SFRP4: variants seen among roughly 807,000 people sequenced by gnomAD.
SFRP4 encodes the protein secreted frizzled-related protein 4.
A neutral mutation model predicts 36.3 loss-of-function variants in SFRP4; 25 were observed. The ratio of observed to expected loss-of-function variants is 0.69; its 90% CI spans 0.50 to 0.96. The LOEUF (loss-of-function observed/expected upper bound fraction) is 0.96. SFRP4 is among the 40% of genes least tolerant of loss of function. SFRP4 has a pLI of 0.00. For missense variants in SFRP4, 487 were observed against 459.6 expected (o/e 1.06, Z -0.54); for synonymous variants, 182 against 168.8 (o/e 1.08, Z -0.60).
intron 5 of SFRP4, among the ~76,000 whole-genome samples, chr7:37,908,341 T>C (rs1301582053): frequency 6.6e-6 from 1 of 152,190 alleles, no homozygotes. Flanking sequence ...TGACATTGCT[T>C]TATATTAACG....
rs1218439690 is a variant in SFRP4, at chr7:37,912,537, C to A, written c.593-220G>T. On this transcript the variant is annotated intron_variant, in intron 3 of 5. Coordinates refer to ENST00000436072, the MANE Select transcript of SFRP4 (RefSeq NM_003014.4). ...GTCTTAAATGTTCCGGGGCATACTG[C>A]AAGATAGGAAAGCAAGCTGAAAAGC... Among the ~76,000 whole-genome samples, 3 of 152,156 alleles carry A rather than the reference C, an allele frequency of 2.0e-5. No homozygotes were observed. The East Asian group carries it at 5.8e-4, about 29-fold the overall frequency.
In SFRP4 at chr7:37,916,368, G is replaced by T. The variant is rs778737132; in HGVS notation, c.170C>A (p.Ala57Asp). Residue 57 changes from alanine to aspartate, a missense_variant, in exon 1 of 6, where the codon GCC (alanine) becomes GAC (aspartate). Physicochemically the swap from Ala to Asp is moderately radical, Grantham distance 126. Coordinates refer to ENST00000436072, the MANE Select transcript of SFRP4 (RefSeq NM_003014.4). This position sits in a 1 kb window ranked among gnomAD's most constrained non-coding sequence, Gnocchi z 4.1. Reference protein sequence around the residue: ...HHSTQENAILAIEQYEELVDV... With the variant: ...HHSTQENAILDIEQYEELVDV... The stretch of plus-strand genomic sequence containing the variant: ...CACCAGCTCCTCGTACTGCTCGATG[G>T]CCAGGATGGCGTTCTCCTGCGTGCT... The T allele has an allele frequency of 2.5e-6, 4 of 1,614,222 alleles. No homozygotes were observed. The highest frequency in any genetic ancestry group is 3.4e-6 in the Non-Finnish European group (4 of 1,180,022).
intron 3 of SFRP4, 79 bp downstream of exon 3, chr7:37,914,134 A>T: frequency 1.8e-6 from 2 of 1,084,972 alleles, no homozygotes; most frequent in Non-Finnish European, 2.8e-6. Flanking sequence ...GACTAGCTTT[A>T]GTGAGAGCGA....
chr7:37,909,189 T>C (rs932522002), intron 5 of SFRP4, among the ~76,000 whole-genome samples: 1 of 152,150 alleles, frequency 6.6e-6, no homozygotes, highest in Non-Finnish European at 1.5e-5. Flanking sequence ...AGTCTTAAAT[T>C]ATTATAAATA....
chr7:37,916,555 C>T lies in SFRP4; in HGVS notation c.-18G>A, dbSNP rs370643867. Reference sequence around the variant, plus strand: ...AGGAACATGGCACTGCCCTCTCGCGCTGCGACCCCGGCAGACAGAAAGCGC... The same window carrying T: ...AGGAACATGGCACTGCCCTCTCGCGTTGCGACCCCGGCAGACAGAAAGCGC... On this transcript the variant is annotated 5_prime_UTR_variant, in exon 1 of 6. Transcript: ENST00000436072. This position sits in a 1 kb window ranked among gnomAD's most constrained non-coding sequence, Gnocchi z 4.1. 11 of 1,593,718 alleles carry T rather than the reference C, an allele frequency of 6.9e-6. No individual in the cohort carries two copies. Among genetic ancestry groups the T allele is most frequent in the Non-Finnish European group, 9.4e-6 (11 of 1,171,954 alleles).
chr7:37,911,624 C>T (rs749763153), intron 4 of SFRP4, among the ~76,000 whole-genome samples: 21 of 150,302 alleles, frequency 1.4e-4, no homozygotes, highest in Non-Finnish European at 2.2e-4. Context: ...TTGAGAATCA[C>T]ATATCCGATT....
chr7:37,911,550 A>T (rs1345214288), intron 4 of SFRP4, among the ~76,000 whole-genome samples: 2 of 152,162 alleles, frequency 1.3e-5, no homozygotes, highest in Non-Finnish European at 2.9e-5. Context: ...ATTTGTGTGT[A>T]TGTGTATGAG....
chr7:37,913,763 A>G (rs970916061), intron 3 of SFRP4, among the ~76,000 whole-genome samples: 1 of 152,210 alleles, frequency 6.6e-6, no homozygotes, highest in Non-Finnish European at 1.5e-5. Context: ...GCTAGTCACA[A>G]GTAAAAGGAT....
At chr7:37,914,564 G>A (rs1246956301) in intron 1 of SFRP4, 111 bp from the exon 2 acceptor site, 5 of 810,454 alleles carry the variant, frequency 6.2e-6, no homozygotes, top group African/African-American at 3.4e-5. Context: ...CAAAATAATA[G>A]TATTTAATGG....
In SFRP4 at chr7:37,909,671, A is replaced by T; in HGVS notation, c.801T>A (p.Leu267=). ...MCYEWRSRMM[L]LENCLVEKWR... Reference sequence around the variant, plus strand: ...ATTTTTCAACTAAGCAATTTTCAAGAAGCATCATCCTGAAAAAAAATTATC... The same window carrying T: ...ATTTTTCAACTAAGCAATTTTCAAGTAGCATCATCCTGAAAAAAAATTATC... Residue 267 remains leucine (L), a synonymous_variant, in exon 5 of 6, where the codon CTT becomes CTA. Coordinates refer to ENST00000436072, the MANE Select transcript of SFRP4 (RefSeq NM_003014.4). 1 of 1,578,498 alleles carries T rather than the reference A, an allele frequency of 6.3e-7. No homozygotes were observed. Among genetic ancestry groups the T allele is most frequent in the Non-Finnish European group, 8.6e-7 (1 of 1,158,546 alleles).
intron 4 of SFRP4, 123 bp downstream of exon 4, chr7:37,911,996 T>C: frequency 1.5e-6 from 1 of 677,782 alleles, no homozygotes; most frequent in East Asian, 2.6e-5. Flanking sequence ...AGGCATCTGT[T>C]AAACTAATTT....
chr7:37,908,200 C>T (rs191563983), intron 5 of SFRP4, among the ~76,000 whole-genome samples: 9 of 152,254 alleles, frequency 5.9e-5, no homozygotes, highest in South Asian at 2.1e-4. Context: ...CCTAGTCATC[C>T]GCTAACGTGC....
chr7:37,914,479 G>T, intron 1 of SFRP4, 26 bp from the exon 2 acceptor site: 2 of 1,579,574 alleles, frequency 1.3e-6, no homozygotes, highest in Non-Finnish European at 1.7e-6. Flanking sequence ...GGCCACATGG[G>T]CGTGGTTGGT....
At chr7:37,914,681 A>G (rs1157019015) in intron 1 of SFRP4, among the ~76,000 whole-genome samples, 1 of 152,350 alleles carries the variant, frequency 6.6e-6, no homozygotes, top group East Asian at 1.9e-4. Flanking sequence ...TCTGGCCAAT[A>G]TGGTGAAACC....
intron 3 of SFRP4, among the ~76,000 whole-genome samples, chr7:37,913,204 T>C (rs1018314818): frequency 6.6e-6 from 1 of 152,208 alleles, no homozygotes; most frequent in Non-Finnish European, 1.5e-5. Context: ...AAAGATAAAC[T>C]ACTTTTTGTT....
In SFRP4 at chr7:37,906,985, C is replaced by G. The variant is rs1785405368; in HGVS notation, c.*494G>C. On this transcript the variant is annotated 3_prime_UTR_variant, in exon 6 of 6. Coordinates refer to ENST00000436072, the MANE Select transcript of SFRP4 (RefSeq NM_003014.4). ...CTGCAGACCATAAACACATAAAGAT[C>G]TTTTAGACATTCATTCCACTACTGT... The G allele has an allele frequency of 6.6e-6, 1 of 152,230 alleles. No homozygotes were observed. Among genetic ancestry groups the G allele is most frequent in the African/African-American group, 2.4e-5 (1 of 41,424 alleles). 9.4% of individuals were successfully genotyped at this position (152,230 alleles called of 1,614,324 possible).
Position 37,907,600 on chromosome 7 carries a change from C to A in SFRP4, c.920G>T (p.Arg307Leu). The A allele has an allele frequency of 1.2e-6, 2 of 1,613,758 alleles. No individual in the cohort carries two copies. The highest frequency in any genetic ancestry group is 1.7e-6 in the Non-Finnish European group (2 of 1,179,828). The part of the protein sequence containing the change: ...TVQDKKKTAG[R>L]TSRSNPPKPK... ...TTTGGGGGGATTACTACGACTGGTG[C>A]GCCCGGCTGTTTTCTTCTTGTCCTG... Residue 307 changes from arginine (R) to leucine (L), a missense_variant, in exon 6 of 6, where the codon CGC (arginine) becomes CTC (leucine). Coordinates refer to ENST00000436072, the MANE Select transcript of SFRP4 (RefSeq NM_003014.4).
chr7:37,907,513 C>T lies in SFRP4; in HGVS notation c.1007G>A (p.Ser336Asn). The change falls in exon 6 of 6, where the codon AGT (serine) becomes AAT (asparagine). Residue 336 changes from serine (S) to asparagine (N), a missense_variant. Transcript: ENST00000436072. ...ASPKKNIKTR[S>N]AQKRTNPKRV ...TTTCGGGTTTGTTCTCTTCTGGGCA[C>T]TCCTAGTTTTAATGTTCTTCTTGGG... is the stretch of plus-strand genomic sequence containing the variant. 6.2e-7 allele frequency: 1 copy of T among 1,613,890 alleles called. No homozygotes were observed. Among genetic ancestry groups the T allele is most frequent in the Non-Finnish European group, 8.5e-7 (1 of 1,179,862 alleles).
At position 37,916,561 on chromosome 7, in the gene SFRP4, C is replaced by T; in HGVS notation, c.-24G>A. 1 of 1,590,160 alleles carries T rather than the reference C, an allele frequency of 6.3e-7. No individual in the cohort carries two copies. The highest frequency in any genetic ancestry group is 8.5e-7 in the Non-Finnish European group (1 of 1,170,344). Reference sequence around the variant, plus strand: ...ATGGCACTGCCCTCTCGCGCTGCGACCCCGGCAGACAGAAAGCGCCCTTCT... The same window carrying T: ...ATGGCACTGCCCTCTCGCGCTGCGATCCCGGCAGACAGAAAGCGCCCTTCT... On this transcript the variant is annotated 5_prime_UTR_variant, in exon 1 of 6. Transcript: ENST00000436072. This position sits in a 1 kb window ranked among gnomAD's most constrained non-coding sequence, Gnocchi z 4.1.
Sources: gnomAD v4.1 joint callset for allele counts (sites outside exome capture counted in the v4.1 genomes callset) on GRCh38, gnomAD v4.1.1 for gene constraint, Gnocchi (gnomAD v3.1) non-coding constraint, MANE v1.5 for transcripts, NCBI Gene and HGNC (gene_info 2026-07-23, HGNC 2026-07-21) for gene names.